TMEM65: variants seen among roughly 807,000 people sequenced by gnomAD.
The protein encoded by TMEM65 is transmembrane protein 65.
A neutral mutation model predicts 25.4 loss-of-function variants in TMEM65; 22 were observed. That is an observed-to-expected ratio of 0.86 (90% CI 0.62 to 1.23). The LOEUF (loss-of-function observed/expected upper bound fraction) is 1.23, where lower values mean the gene tolerates loss of function less well. TMEM65 is among the 50% of genes most tolerant of loss of function. TMEM65 has a pLI of 0.00. For synonymous variants in TMEM65, 132 were observed against 126.2 expected, an observed-to-expected ratio of 1.05 and a Z score of -0.31; for missense variants, 262 against 308.2, an observed-to-expected ratio of 0.85 and a Z score of 1.12.
At chr8:124,314,131 T>C in intron 6 of TMEM65, 70 bp from the exon 7 acceptor site, 1 of 1,194,052 alleles carries the variant, frequency 8.4e-7, no homozygotes, top group Non-Finnish European at 1.2e-6. Flanking sequence ...AGAAAAAATC[T>C]CACCAGCTCT....
intron 1 of TMEM65, among the ~76,000 whole-genome samples, chr8:124,346,329 G>C (rs958497414): frequency 1.3e-5 from 2 of 152,046 alleles, no homozygotes; most frequent in Admixed American, 6.5e-5. Flanking sequence ...GATTTGAGTG[G>C]GGACACAGAG....
At chr8:124,328,311 G>A (rs1035072975) in intron 2 of TMEM65, among the ~76,000 whole-genome samples, 8 of 151,734 alleles carry the variant, frequency 5.3e-5, no homozygotes, top group African/African-American at 1.9e-4. Context: ...GGCTGAGGCA[G>A]GAGAATCACT....
chr8:124,354,576 C>A (rs1434349754), intron 1 of TMEM65, among the ~76,000 whole-genome samples: 2 of 152,194 alleles, frequency 1.3e-5, no homozygotes. Flanking sequence ...CCAGGGCACT[C>A]CACATCTAAT....
At chr8:124,357,402 G>A (rs776484487) in intron 1 of TMEM65, among the ~76,000 whole-genome samples, 6 of 152,070 alleles carry the variant, frequency 3.9e-5, no homozygotes, top group South Asian at 4.1e-4. Context: ...AAAGTCATTC[G>A]AGTTAGGAAT....
chr8:124,370,222 C>T (rs1311391976), intron 1 of TMEM65, among the ~76,000 whole-genome samples: 3 of 152,130 alleles, frequency 2.0e-5, no homozygotes, highest in East Asian at 1.9e-4. Context: ...ATTCAGTCAC[C>T]TTGCAGGACA....
chr8:124,341,567 A>T lies in TMEM65; in HGVS notation c.305-10775T>A, dbSNP rs528639003. On this transcript the variant is annotated intron_variant, in intron 1 of 6. Coordinates refer to ENST00000297632, the MANE Select transcript of TMEM65 (RefSeq NM_194291.3). ...AACAGATTCTGTGTTTTACCAAAGT[A>T]ATTTCTTGTGGTCCATGTTGCTTTT... 2.3e-4 allele frequency among the ~76,000 whole-genome samples: 35 copies of T among 152,196 alleles called. 2 individuals carry two copies. In the South Asian group the frequency reaches 6.8e-3, roughly 30 times the overall value.
intron 3 of TMEM65, among the ~76,000 whole-genome samples, chr8:124,326,833 G>C (rs1427629832): frequency 6.6e-6 from 1 of 151,910 alleles, no homozygotes; most frequent in Non-Finnish European, 1.5e-5. Flanking sequence ...CCACAACAAA[G>C]GGGAATTTTT....
At chr8:124,355,219 A>C (rs1446053382) in intron 1 of TMEM65, among the ~76,000 whole-genome samples, 1 of 151,996 alleles carries the variant, frequency 6.6e-6, no homozygotes, top group Non-Finnish European at 1.5e-5. Context: ...CTTTTTTCAA[A>C]TTGTCATTAA....
At position 124,320,103 on chromosome 8, in the gene TMEM65, G is replaced by T; in HGVS notation, c.604C>A (p.Arg202Ser). 6.2e-7 allele frequency: 1 copy of T among 1,612,692 alleles called. No individual in the cohort carries two copies. The highest frequency in any genetic ancestry group is 8.5e-7 in the Non-Finnish European group (1 of 1,179,002). The change falls in exon 6 of 7, where the codon CGT (arginine) becomes AGT (serine). Residue 202 changes from arginine (R) to serine (S), a missense_variant. Arg to Ser is a moderately radical substitution (Grantham distance 110). Coordinates refer to ENST00000297632, the MANE Select transcript of TMEM65 (RefSeq NM_194291.3). ...TTACTTACCAAATGTGTACTAAGAC[G>T]TGTTTGCCACATGTCAACTTGCTTT... Reference protein sequence around the residue: ...TPKQVDMWQTRLSTHLGKAVG... With the variant: ...TPKQVDMWQTSLSTHLGKAVG...
chr8:124,327,592 G>A (rs1037188864), intron 2 of TMEM65, among the ~76,000 whole-genome samples, 171 bp from the exon 3 acceptor site: 1 of 151,542 alleles, frequency 6.6e-6, no homozygotes, highest in African/African-American at 2.4e-5. Context: ...AAACTATATT[G>A]GGAAAAAACA....
chr8:124,367,042 T>C (rs991254270), intron 1 of TMEM65, among the ~76,000 whole-genome samples: 1 of 152,218 alleles, frequency 6.6e-6, no homozygotes, highest in Non-Finnish European at 1.5e-5. Flanking sequence ...CTTATTCCTT[T>C]TTACTATCTC....
intron 6 of TMEM65, among the ~76,000 whole-genome samples, chr8:124,317,311 T>C (rs1406628728): frequency 1.3e-5 from 2 of 152,144 alleles, no homozygotes; most frequent in African/African-American, 4.8e-5. Context: ...TCCATAGAAA[T>C]TGCTCAGAAA....
intron 1 of TMEM65, among the ~76,000 whole-genome samples, chr8:124,370,458 G>A (rs1417565984): frequency 6.6e-6 from 1 of 152,168 alleles, no homozygotes; most frequent in Non-Finnish European, 1.5e-5. Flanking sequence ...ACTGCATACT[G>A]AGTGCACACA....
intron 1 of TMEM65, among the ~76,000 whole-genome samples, chr8:124,333,093 T>C (rs920733419): frequency 5.3e-5 from 8 of 151,846 alleles, no homozygotes; most frequent in African/African-American, 1.9e-4. Flanking sequence ...TGAGCCACCA[T>C]GCCCAGCCCA....
intron 1 of TMEM65, among the ~76,000 whole-genome samples, chr8:124,360,083 T>C (rs1814839799): frequency 6.6e-6 from 1 of 152,132 alleles, no homozygotes; most frequent in Non-Finnish European, 1.5e-5. Context: ...CATACCTTTC[T>C]GGCATGTAGC....
intron 1 of TMEM65, among the ~76,000 whole-genome samples, chr8:124,359,537 T>C (rs1198876689): frequency 3.3e-5 from 5 of 152,194 alleles, no homozygotes; most frequent in Non-Finnish European, 5.9e-5. Context: ...AAGCCAGGAA[T>C]TCAAGACCAG....
At chr8:124,345,033 T>TA (rs1337548661) in intron 1 of TMEM65, among the ~76,000 whole-genome samples, 2 of 152,222 alleles carry the variant, frequency 1.3e-5, no homozygotes, top group Non-Finnish European at 2.9e-5. Context: ...GGGAAATTGT[T>TA]AAATTAAATT....
At chr8:124,314,177 A>G (rs1814203032) in intron 6 of TMEM65, 116 bp from the exon 7 acceptor site, 5 of 735,612 alleles carry the variant, frequency 6.8e-6, no homozygotes. Context: ...CTTCATATAT[A>G]TTCCTCTTCA....
chr8:124,321,607 TC>T (rs1814304238), intron 5 of TMEM65, among the ~76,000 whole-genome samples: 1 of 151,950 alleles, frequency 6.6e-6, no homozygotes, highest in African/African-American at 2.4e-5. Flanking sequence ...CTTTGAAAGT[TC>T]CCCCCTCTAG....
Sources: allele counts gnomAD v4.1 joint callset (sites outside exome capture counted in the v4.1 genomes callset), GRCh38; gene constraint gnomAD v4.1.1; transcripts MANE v1.5; gene names NCBI Gene and HGNC (gene_info 2026-07-23, HGNC 2026-07-21).